MDFIC2: variants seen among roughly 807,000 people sequenced by gnomAD.
The protein encoded by MDFIC2 is myoD family inhibitor domain-containing protein 2.
intron 2 of MDFIC2, among the ~76,000 whole-genome samples, chr3:70,276,425 T>C (rs1702027058): frequency 6.6e-6 from 1 of 152,202 alleles, no homozygotes; most frequent in Non-Finnish European, 1.5e-5. Flanking sequence ...CAAATACCCA[T>C]AACAAATCTT....
chr3:70,214,542 T>C (rs1179440036), intron 2 of MDFIC2, among the ~76,000 whole-genome samples: 2 of 151,088 alleles, frequency 1.3e-5, no homozygotes, highest in African/African-American at 4.9e-5. Flanking sequence ...AGGCTGAGCA[T>C]GGCCCCCTCC....
chr3:70,236,009 C>T (rs918736388), intron 2 of MDFIC2, among the ~76,000 whole-genome samples: 1 of 152,270 alleles, frequency 6.6e-6, no homozygotes, highest in Non-Finnish European at 1.5e-5. Context: ...TGAAAAAATA[C>T]TAGCAGCGAA....
At chr3:70,225,056 A>G (rs1173650204) in intron 2 of MDFIC2, among the ~76,000 whole-genome samples, 1 of 152,166 alleles carries the variant, frequency 6.6e-6, no homozygotes, top group Non-Finnish European at 1.5e-5. Context: ...ATATTTCTCT[A>G]ATATATCTTG....
chr3:70,309,566 T>C (rs1365705521), intron 2 of MDFIC2, among the ~76,000 whole-genome samples: 1 of 152,190 alleles, frequency 6.6e-6, no homozygotes, highest in East Asian at 1.9e-4. Context: ...AGCTAGTAGA[T>C]GGCTGAGCTG....
At chr3:70,205,711 G>C (rs967417620) in intron 3 of MDFIC2, 4 of 152,078 alleles carry the variant, frequency 2.6e-5, no homozygotes, top group Non-Finnish European at 4.4e-5. Flanking sequence ...CAAAGGTGCT[G>C]TTATTCAAAG....
intron 2 of MDFIC2, among the ~76,000 whole-genome samples, chr3:70,230,988 G>A (rs1040671700): frequency 6.6e-6 from 1 of 152,172 alleles, no homozygotes; most frequent in Non-Finnish European, 1.5e-5. Flanking sequence ...CCAGGATGCT[G>A]CACTGACCCT....
chr3:70,201,252 G>A (rs1459669754), intron 3 of MDFIC2, among the ~76,000 whole-genome samples: 1 of 151,994 alleles, frequency 6.6e-6, no homozygotes, highest in East Asian at 1.9e-4. Flanking sequence ...CTGTGTTTAT[G>A]TGTTCTCATC....
chr3:70,197,749 G>T (rs1357155236), intron 3 of MDFIC2, among the ~76,000 whole-genome samples: 2 of 152,144 alleles, frequency 1.3e-5, no homozygotes, highest in Non-Finnish European at 2.9e-5. Context: ...TTTGGGTTGT[G>T]TTTTATTTTT....
chr3:70,201,379 G>C (rs1232332119), intron 3 of MDFIC2, among the ~76,000 whole-genome samples: 3 of 152,080 alleles, frequency 2.0e-5, no homozygotes, highest in African/African-American at 7.2e-5. Flanking sequence ...ACATGATCTT[G>C]TTCTTTTTTA....
At chr3:70,221,295 T>TTAAATGAA (rs112433636) in intron 2 of MDFIC2, among the ~76,000 whole-genome samples, 33 of 152,320 alleles carry the variant, frequency 2.2e-4, no homozygotes, top group African/African-American at 7.9e-4. Context: ...CCTAAGTGCT[T>TTAAATGAA]TAAATGAATT....
intron 2 of MDFIC2, chr3:70,283,638 G>C (rs2049223): frequency 6.6e-6 from 1 of 151,778 alleles, no homozygotes; most frequent in South Asian, 2.1e-4. Flanking sequence ...AGGGATTCAT[G>C]CTGGGGTCAG....
At chr3:70,206,082 C>T (rs918455310) in intron 3 of MDFIC2, among the ~76,000 whole-genome samples, 1 of 151,904 alleles carries the variant, frequency 6.6e-6, no homozygotes, top group Non-Finnish European at 1.5e-5. Context: ...GGATAATACC[C>T]AGGGGAACCA....
rs1178386531 is a variant in MDFIC2 at position 70,195,945 on chromosome 3, C to G, written c.*981G>C. On this transcript the variant is annotated 3_prime_UTR_variant, in exon 4 of 4. Transcript: ENST00000567252. ...AAGTACTTGACATAATTATTGATCA[C>G]TTTAATTATCAGACAAAGAAAAACA... Among the ~76,000 whole-genome samples, 1 of 152,122 alleles carries G rather than the reference C, an allele frequency of 6.6e-6. No homozygotes were observed. The highest frequency in any genetic ancestry group is 1.5e-5 in the Non-Finnish European group (1 of 67,998).
At chr3:70,312,015 A>T in intron 1 of MDFIC2, 42 bp from the exon 2 acceptor site, 1 of 397,414 alleles carries the variant, frequency 2.5e-6, no homozygotes, top group Non-Finnish European at 4.4e-6. Flanking sequence ...ATTCATTAAG[A>T]ACCCAAATTT....
intron 2 of MDFIC2, among the ~76,000 whole-genome samples, chr3:70,300,614 C>A (rs920411321): frequency 2.0e-5 from 3 of 151,890 alleles, no homozygotes; most frequent in Admixed American, 2.0e-4. Flanking sequence ...ATTGTTTCAT[C>A]TCTAAAATAA....
At chr3:70,290,331 A>AGT (rs142041118) in intron 2 of MDFIC2, among the ~76,000 whole-genome samples, 20,056 of 152,172 alleles carry the variant, frequency 0.13, 1,404 homozygotes, top group South Asian at 0.21. Flanking sequence ...GTAAGGTGTC[A>AGT]GTGTGCCCCT....
intron 2 of MDFIC2, among the ~76,000 whole-genome samples, chr3:70,268,334 G>C (rs1044989681): frequency 6.6e-6 from 1 of 152,066 alleles, no homozygotes. Context: ...AATTAGCCAG[G>C]CGTGGTTGTG....
intron 2 of MDFIC2, among the ~76,000 whole-genome samples, chr3:70,270,029 T>C (rs1701958855): frequency 6.6e-6 from 1 of 152,118 alleles, no homozygotes; most frequent in African/African-American, 2.4e-5. Flanking sequence ...CAGTGATAAA[T>C]AAATCCATGA....
At chr3:70,221,077 G>T (rs1283635040) in intron 2 of MDFIC2, among the ~76,000 whole-genome samples, 1 of 152,110 alleles carries the variant, frequency 6.6e-6, no homozygotes, top group African/African-American at 2.4e-5. Context: ...ACTAGCACTG[G>T]TGAAATATTT....
Sources: gnomAD v4.1 joint callset for allele counts (sites outside exome capture counted in the v4.1 genomes callset) on GRCh38, gnomAD v4.1.1 for gene constraint, MANE v1.5 for transcripts, NCBI Gene and HGNC (gene_info 2026-07-23, HGNC 2026-07-21) for gene names.